Variants in STPG2 observed in about 807,000 individuals in gnomAD.
STPG2 encodes the protein sperm-tail PG-rich repeat-containing protein 2.
STPG2 carries 56 observed loss-of-function variants against 54.2 expected under a neutral mutation model. The ratio of observed to expected loss-of-function variants is 1.03; its 90% CI spans 0.83 to 1.29. The LOEUF (loss-of-function observed/expected upper bound fraction) is 1.29. STPG2 is among the 50% of genes most tolerant of loss of function. STPG2 has a pLI of 0.00. For missense variants in STPG2, 596 were observed against 544.9 expected (o/e 1.09, Z -0.93); for synonymous variants, 200 against 181.8 (o/e 1.10, Z -0.81).
intron 10 of STPG2, among the ~76,000 whole-genome samples, chr4:97,586,347 A>G (rs1183393871): frequency 6.6e-6 from 1 of 151,870 alleles, no homozygotes; most frequent in Admixed American, 6.6e-5. Flanking sequence ...ATAATAACCG[A>G]TATTTATATC....
chr4:98,042,629 G>A (rs1736999910), intron 5 of STPG2, among the ~76,000 whole-genome samples: 1 of 151,814 alleles, frequency 6.6e-6, no homozygotes. Context: ...AGCACCTATT[G>A]TTATTGACTT....
chr4:97,478,593 GT>G (rs1402765466), intron 4 of STPG2, among the ~76,000 whole-genome samples: 2 of 151,930 alleles, frequency 1.3e-5, no homozygotes, highest in African/African-American at 4.8e-5. Context: ...TATGTAGATT[GT>G]TTTTTAAATG....
Position 98,106,007 on chromosome 4 carries a change from A to G in STPG2, c.558T>C (p.Tyr186=), listed in dbSNP as rs145499771. The G allele has an allele frequency of 3.9e-6, 6 of 1,554,482 alleles. No individual in the cohort carries two copies. The highest frequency in any genetic ancestry group is 5.3e-6 in the Non-Finnish European group (6 of 1,133,842). ...VNIKRDQQQN[Y]CSFIPRLYEI... ...CATATAGTCGTGGGATAAATGAACA[A>G]TAATTTTGTTGTTGATCTCTCTTGA... The change falls in exon 5 of 11, where the codon TAT becomes TAC. Residue 186 remains tyrosine, a synonymous_variant. Transcript: ENST00000295268.
In STPG2 at chr4:98,023,252, G is replaced by T. The variant is rs550834919; in HGVS notation, c.613-41934C>A. 6.2e-4 allele frequency among the ~76,000 whole-genome samples: 95 copies of T among 152,328 alleles called. 1 individual carries two copies. Among genetic ancestry groups the T allele is most frequent in the Non-Finnish European group, 1.2e-3 (80 of 68,030 alleles). On this transcript the variant is annotated intron_variant, in intron 5 of 10. Transcript: ENST00000295268. Reference sequence around the variant, plus strand: ...CTTCTAACAGACAGGACCCTCAGCTGCAGGTCTGTTGGAGTTTGCTGGAGG... The same window carrying T: ...CTTCTAACAGACAGGACCCTCAGCTTCAGGTCTGTTGGAGTTTGCTGGAGG...
At chr4:97,933,089 G>A (rs1037455663) in intron 8 of STPG2, among the ~76,000 whole-genome samples, 2 of 151,786 alleles carry the variant, frequency 1.3e-5, no homozygotes, top group East Asian at 1.9e-4. Flanking sequence ...ATCTTATTGT[G>A]GTTTTGATTT....
intron 10 of STPG2, among the ~76,000 whole-genome samples, chr4:97,593,566 G>A (rs1022284661): frequency 1.3e-5 from 2 of 152,072 alleles, no homozygotes; most frequent in African/African-American, 4.8e-5. Context: ...GCAGCCCAAC[G>A]CCTGTCAGCA....
chr4:97,962,837 G>A (rs890477981), intron 7 of STPG2, among the ~76,000 whole-genome samples: 1 of 152,134 alleles, frequency 6.6e-6, no homozygotes. Flanking sequence ...CACTGTGCTA[G>A]GCTTCTCAAT....
chr4:97,539,247 T>C (rs566937629), intron 4 of STPG2, among the ~76,000 whole-genome samples: 14 of 152,066 alleles, frequency 9.2e-5, no homozygotes, highest in African/African-American at 2.7e-4. Flanking sequence ...CACAGACTGG[T>C]AAATTGGATA....
chr4:97,826,320 G>A (rs1228772221), intron 9 of STPG2, among the ~76,000 whole-genome samples: 1 of 152,116 alleles, frequency 6.6e-6, no homozygotes, highest in Admixed American at 6.6e-5. Flanking sequence ...ACATTTAGAG[G>A]GTTAAAGGAT....
chr4:98,087,372 T>C (rs1361082828), intron 5 of STPG2, among the ~76,000 whole-genome samples: 1 of 152,126 alleles, frequency 6.6e-6, no homozygotes, highest in Non-Finnish European at 1.5e-5. Context: ...CCCTCCATTA[T>C]TTATTTAATC....
At chr4:97,604,818 C>A (rs569058286) in intron 10 of STPG2, among the ~76,000 whole-genome samples, 4 of 151,754 alleles carry the variant, frequency 2.6e-5, no homozygotes, top group Non-Finnish European at 5.9e-5. Flanking sequence ...AGTATCTGAG[C>A]ATAATCATAT....
intron 10 of STPG2, among the ~76,000 whole-genome samples, chr4:97,654,737 G>A (rs112209820): frequency 0.012 from 1,841 of 152,038 alleles, 31 homozygotes; most frequent in African/African-American, 0.042. Flanking sequence ...TCTCTTGAAT[G>A]TATCATTAGA....
At chr4:97,966,630 C>T (rs1051459722) in intron 7 of STPG2, among the ~76,000 whole-genome samples, 5 of 152,246 alleles carry the variant, frequency 3.3e-5, no homozygotes, top group Non-Finnish European at 5.9e-5. Context: ...AGAGAAAGGT[C>T]GGGTTACCCA....
At chr4:97,828,181 G>C (rs1369392113) in intron 9 of STPG2, among the ~76,000 whole-genome samples, 1 of 152,108 alleles carries the variant, frequency 6.6e-6, no homozygotes, top group Non-Finnish European at 1.5e-5. Flanking sequence ...ATTTCCAACT[G>C]AGTACCCAGT....
chr4:97,987,166 A>G (rs557486231), intron 5 of STPG2, among the ~76,000 whole-genome samples: 3 of 152,312 alleles, frequency 2.0e-5, no homozygotes, highest in Admixed American at 2.0e-4. Flanking sequence ...GAGCAGCAAA[A>G]AAAATTTCCT....
chr4:98,005,863 C>A (rs1195811032), intron 5 of STPG2, among the ~76,000 whole-genome samples: 1 of 152,140 alleles, frequency 6.6e-6, no homozygotes, highest in Non-Finnish European at 1.5e-5. Context: ...GCTTTGCTAT[C>A]AGGATAATTC....
chr4:97,922,705 G>C (rs1458969537), intron 8 of STPG2, among the ~76,000 whole-genome samples: 1 of 152,182 alleles, frequency 6.6e-6, no homozygotes, highest in African/African-American at 2.4e-5. Context: ...CTGCAAACAG[G>C]AGATGCTAGA....
At chr4:97,816,074 C>G (rs1727900156) in intron 9 of STPG2, among the ~76,000 whole-genome samples, 1 of 152,092 alleles carries the variant, frequency 6.6e-6, no homozygotes, top group Non-Finnish European at 1.5e-5. Context: ...TGCTCCCCTC[C>G]CTGTGTCCAT....
At chr4:98,082,364 C>T (rs1267133674) in intron 5 of STPG2, among the ~76,000 whole-genome samples, 2 of 143,918 alleles carry the variant, frequency 1.4e-5, no homozygotes, top group Non-Finnish European at 1.5e-5. Flanking sequence ...TGCAGCATTT[C>T]TTATCTGGAC....
Sources: allele counts gnomAD v4.1 joint callset (sites outside exome capture counted in the v4.1 genomes callset), GRCh38; gene constraint gnomAD v4.1.1; transcripts MANE v1.5; gene names NCBI Gene and HGNC (gene_info 2026-07-23, HGNC 2026-07-21).